The following DOCK8 variants were observed in gnomAD, a reference collection of about 807,000 sequenced individuals.
DOCK8 encodes the protein dedicator of cytokinesis 8.
DOCK8 carries 141 observed loss-of-function variants against 245.6 expected under a neutral mutation model. The observed-to-expected ratio is 0.57, with a 90% CI of 0.50 to 0.66. The LOEUF is 0.66. Ranked by LOEUF, DOCK8 falls within the 30% of genes least tolerant of loss-of-function variation. The pLI is 0.00. For synonymous variants in DOCK8, 1,168 were observed against 970.2 expected (o/e 1.20, Z -3.79); for missense variants, 2,965 against 2,603.4 (o/e 1.14, Z -3.02).
At chr9:361,223 G>T (rs568513341) in intron 14 of DOCK8, among the ~76,000 whole-genome samples, 1 of 152,104 alleles carries the variant, frequency 6.6e-6, no homozygotes, top group Non-Finnish European at 1.5e-5. Flanking sequence ...GAGAGACATA[G>T]AGACTGGGAG....
At chr9:425,673 C>T (rs1440820354) in intron 33 of DOCK8, among the ~76,000 whole-genome samples, 1 of 149,900 alleles carries the variant, frequency 6.7e-6, no homozygotes, top group African/African-American at 2.5e-5. Flanking sequence ...CAGAGCATCA[C>T]TTGAGCCCAG....
At chr9:252,014 C>T (rs527612527) in intron 1 of DOCK8, among the ~76,000 whole-genome samples, 1 of 145,666 alleles carries the variant, frequency 6.9e-6, no homozygotes, top group South Asian at 2.2e-4. Flanking sequence ...TGCTCTGTTG[C>T]CCAGGATGGA....
rs199932723 is a variant in DOCK8, at chr9:403,996, A to C, written c.3235-922A>C. On this transcript the variant is annotated intron_variant, in intron 26 of 47. Transcript: ENST00000432829. ...TATATGTGTATATATATATATGTGTATATATATATATATATAGTTTAAAAA... is the reference window on the plus strand; with the variant it reads ...TATATGTGTATATATATATATGTGTCTATATATATATATATAGTTTAAAAA... Among the ~76,000 whole-genome samples the C allele has an allele frequency of 2.1e-3, 253 of 121,902 alleles. 3 individuals are homozygous for C. The highest frequency in any genetic ancestry group is 6.2e-3 in the African/African-American group (163 of 26,254). The allele number at this position is 121,902 out of a possible 152,430, so 80.0% of individuals were successfully genotyped here.
intron 4 of DOCK8, among the ~76,000 whole-genome samples, chr9:303,014 A>C (rs146834182): frequency 2.0e-3 from 309 of 152,052 alleles, no homozygotes; most frequent in African/African-American, 6.1e-3. Flanking sequence ...AAAGAAAATT[A>C]ACTGGGTATG....
rs577086331 is a variant in DOCK8, at chr9:439,500, G to C, written c.5223+112G>C. ...AGTCAGCCCCACTTCCCGAGGACACGTGCCAGGGTGTGCGGGGCAGGGGAT... is the reference window on the plus strand; with the variant it reads ...AGTCAGCCCCACTTCCCGAGGACACCTGCCAGGGTGTGCGGGGCAGGGGAT... On this transcript the variant is annotated intron_variant, in intron 40 of 47. Coordinates refer to ENST00000432829, the MANE Select transcript of DOCK8 (RefSeq NM_203447.4). 9.2e-5 allele frequency: 130 copies of C among 1,411,668 alleles called. No homozygotes were observed. In the South Asian group the frequency reaches 1.5e-3, roughly 16 times the overall value. The allele number at this position is 1,411,668 out of a possible 1,614,324, so 87.4% of individuals were successfully genotyped here. A position where few individuals can be genotyped will look rare whatever the true frequency, so the allele number is the denominator to read the frequency against.
At chr9:306,834 T>C (rs1586656744) in intron 5 of DOCK8, among the ~76,000 whole-genome samples, 1 of 152,112 alleles carries the variant, frequency 6.6e-6, no homozygotes, top group Admixed American at 6.6e-5. Flanking sequence ...TGTCAGAACG[T>C]AGAAGCTCAG....
intron 24 of DOCK8, among the ~76,000 whole-genome samples, chr9:392,681 C>T (rs542475966): frequency 1.3e-5 from 2 of 152,124 alleles, no homozygotes; most frequent in Middle Eastern, 3.4e-3. Context: ...ATTCCAAAAG[C>T]CGAGCTAATT....
intron 46 of DOCK8, chr9:452,649 T>C (rs1485585828): frequency 6.6e-6 from 1 of 152,512 alleles, no homozygotes; most frequent in Non-Finnish European, 1.5e-5. Context: ...TTGGCAGTCA[T>C]TGTAATGTTA....
intron 8 of DOCK8, among the ~76,000 whole-genome samples, chr9:327,705 A>T (rs958465300): frequency 6.6e-6 from 1 of 152,092 alleles, no homozygotes; most frequent in Non-Finnish European, 1.5e-5. Flanking sequence ...TCCTTCCCTC[A>T]TTCTTGATTG....
At chr9:398,737 T>C (rs1355354276) in intron 25 of DOCK8, among the ~76,000 whole-genome samples, 1 of 151,338 alleles carries the variant, frequency 6.6e-6, no homozygotes, top group African/African-American at 2.4e-5. Context: ...TAATAATCCT[T>C]AAAAATTAAG....
intron 34 of DOCK8, 78 bp downstream of exon 34, chr9:427,059 T>TG: frequency 8.0e-7 from 1 of 1,247,242 alleles, no homozygotes; most frequent in Non-Finnish European, 1.2e-6. Flanking sequence ...TATGCAAAAT[T>TG]GTGAAAGACA....
In DOCK8 at chr9:372,275, C is replaced by G. The variant is rs777131687; in HGVS notation, c.2098C>G (p.His700Asp). ...AAAATTGCCACCCAACTACTCCATG[C>G]ATTCTGCTGAGGTAATTGGCAAGCT... is the stretch of plus-strand genomic sequence containing the variant. Reference protein sequence around the residue: ...LEKLPPNYSMHSAEKVPLQNP... With the variant: ...LEKLPPNYSMDSAEKVPLQNP... Residue 700 changes from histidine to aspartate, a missense_variant, in exon 18 of 48, where the codon CAT becomes GAT. Physicochemically the swap from His to Asp is moderately conservative, Grantham distance 81. Coordinates refer to ENST00000432829, the MANE Select transcript of DOCK8 (RefSeq NM_203447.4). The G allele has an allele frequency of 4.3e-6, 7 of 1,613,680 alleles. No individual in the cohort carries two copies. Among genetic ancestry groups the G allele is most frequent in the Non-Finnish European group, 5.9e-6 (7 of 1,179,674 alleles).
chr9:391,343 C>G (rs1028200496), intron 24 of DOCK8, among the ~76,000 whole-genome samples: 10 of 152,036 alleles, frequency 6.6e-5, no homozygotes, highest in African/African-American at 2.2e-4. Flanking sequence ...TTTTTTCTGT[C>G]TCAGCGGTTA....
Position 421,050 on chromosome 9 carries a change from A to C in DOCK8, c.4125A>C (p.Arg1375Ser). The C allele has an allele frequency of 6.2e-7, 1 of 1,614,184 alleles. No homozygotes were observed. The highest frequency in any genetic ancestry group is 8.5e-7 in the Non-Finnish European group (1 of 1,180,030). The change falls in exon 32 of 48, where the codon AGA becomes AGC. Residue 1375 changes from arginine (R) to serine (S), a missense_variant. By Grantham distance (110) the Arg-to-Ser change is moderately radical. Transcript: ENST00000432829. ...EEALLRGEGARGEMMRRRAPG... is the reference protein window; with the variant it reads ...EEALLRGEGASGEMMRRRAPG... ...CTTTGCTCCGTGGGGAAGGGGCCAG[A>C]GGGGAGATGATGCGCCGCCGGGCTC...
intron 1 of DOCK8, among the ~76,000 whole-genome samples, chr9:228,883 G>C (rs1400304488): frequency 6.6e-6 from 1 of 152,124 alleles, no homozygotes; most frequent in Non-Finnish European, 1.5e-5. Flanking sequence ...GTCTAAGATG[G>C]GCTCACTCAC....
intron 22 of DOCK8, among the ~76,000 whole-genome samples, chr9:383,416 C>T (rs961690986): frequency 2.0e-5 from 3 of 152,178 alleles, no homozygotes; most frequent in Non-Finnish European, 2.9e-5. Context: ...CCTGTAATCC[C>T]AGCTATTCAG....
chr9:248,464 T>TCCTC (rs1342114545), intron 1 of DOCK8, among the ~76,000 whole-genome samples: 1 of 149,714 alleles, frequency 6.7e-6, no homozygotes, highest in South Asian at 2.1e-4. Context: ...CTTCCTTCCT[T>TCCTC]CCTCCCTCCC....
chr9:332,576 G>A, intron 10 of DOCK8, 98 bp downstream of exon 10: 2 of 757,072 alleles, frequency 2.6e-6, no homozygotes, highest in Middle Eastern at 2.6e-4. Flanking sequence ...AGTCCCTAAT[G>A]TGTCCCTATA....
chr9:214,811 C>T (rs751698019), upstream of DOCK8: 22 of 1,593,902 alleles, frequency 1.4e-5, no homozygotes, highest in Non-Finnish European at 1.9e-5. Context: ...CGGACCCTCC[C>T]CCGGGGTGAT....
Sources: allele counts gnomAD v4.1 joint callset (sites outside exome capture counted in the v4.1 genomes callset), GRCh38; gene constraint gnomAD v4.1.1; transcripts MANE v1.5; gene names NCBI Gene and HGNC (gene_info 2026-07-23, HGNC 2026-07-21).